Variants in NRXN3 observed in about 807,000 individuals in gnomAD.
NRXN3 encodes the protein neurexin 3.
A neutral mutation model predicts 137.6 loss-of-function variants in NRXN3; 32 were observed. The observed-to-expected ratio is 0.23, with a 90% CI of 0.18 to 0.31. The LOEUF (loss-of-function observed/expected upper bound fraction) is 0.31. NRXN3 is among the 10% of genes least tolerant of loss of function. NRXN3 has a pLI of 1.00. For synonymous variants in NRXN3, 798 were observed against 784.5 expected (o/e 1.02, Z -0.29); for missense variants, 1,574 against 2,062.5 (o/e 0.76, Z 4.59).
chr14:79,634,064 T>C (rs529170693), intron 16 of NRXN3, among the ~76,000 whole-genome samples: 86 of 151,612 alleles, frequency 5.7e-4, no homozygotes, highest in African/African-American at 2.0e-3. Context: ...CACGAAAGAG[T>C]GTTACTCCAG....
chr14:78,980,897 C>T (rs7152596), intron 14 of NRXN3, among the ~76,000 whole-genome samples: 1 of 152,122 alleles, frequency 6.6e-6, no homozygotes, highest in African/African-American at 2.4e-5. Context: ...TGACTATTTT[C>T]GTGAGAGTTA....
intron 6 of NRXN3, among the ~76,000 whole-genome samples, chr14:78,693,962 G>C (rs2098199641): frequency 6.6e-6 from 1 of 151,852 alleles, no homozygotes; most frequent in South Asian, 2.1e-4. Flanking sequence ...CATATGCCAA[G>C]ATTTCTCACT....
At chr14:79,455,661 T>C (rs2096248271) in intron 15 of NRXN3, among the ~76,000 whole-genome samples, 1 of 152,150 alleles carries the variant, frequency 6.6e-6, no homozygotes, top group Admixed American at 6.5e-5. Context: ...AATATATTGC[T>C]TTAAAGTTGT....
chr14:78,341,922 T>C (rs955739428), intron 4 of NRXN3, among the ~76,000 whole-genome samples: 1 of 152,214 alleles, frequency 6.6e-6, no homozygotes, highest in Non-Finnish European at 1.5e-5. Context: ...GGGCTCTAAC[T>C]CACTCATATG....
Position 79,424,393 on chromosome 14 carries a change from A to T in NRXN3, c.3263-42828A>T, listed in dbSNP as rs563162109. On this transcript the variant is annotated intron_variant, in intron 15 of 20. Transcript: ENST00000335750. ...ATTGGTTTTAAGGGTTGGAGAAAGA[A>T]GTAAAGGAGGTAAAAGAATGTACAT... Among the ~76,000 whole-genome samples the T allele has an allele frequency of 1.3e-4, 20 of 152,334 alleles. No individual in the cohort carries two copies. In the South Asian group the frequency reaches 4.1e-3, roughly 32 times the overall value.
intron 19 of NRXN3, among the ~76,000 whole-genome samples, chr14:79,784,315 C>T (rs531588711): frequency 6.6e-6 from 1 of 152,238 alleles, no homozygotes; most frequent in East Asian, 1.9e-4. Context: ...ATGTCTTTCC[C>T]AAGGGGTTTT....
chr14:79,468,869 G>A lies in NRXN3; in HGVS notation c.3444+1467G>A, dbSNP rs76837591. ...TGGTGGAGGAGTCTTGAATAGAGTT[G>A]TGAACTTTTCAATTTTTTCTCAGAT... is the stretch of plus-strand genomic sequence containing the variant. On this transcript the variant is annotated intron_variant, in intron 16 of 20. Transcript: ENST00000335750. 3.2e-4 allele frequency among the ~76,000 whole-genome samples: 49 copies of A among 152,314 alleles called. 1 individual carries two copies. Among genetic ancestry groups the A allele is most frequent in the Admixed American group, 2.9e-3 (44 of 15,302 alleles).
rs1355463010 is a variant in NRXN3 at position 78,567,921 on chromosome 14, G to T, written c.758-77199G>T. ...CTGAGCCCTTTTCCACTTTCATCGT[G>T]TTTCCATCTCCATCATTCCTTTCAT... On this transcript the variant is annotated intron_variant, in intron 4 of 20. Coordinates refer to ENST00000335750, the MANE Select transcript of NRXN3 (RefSeq NM_001330195.2). 2.0e-5 allele frequency among the ~76,000 whole-genome samples: 3 copies of T among 152,142 alleles called. No individual in the cohort carries two copies. In the East Asian group the frequency reaches 5.8e-4, roughly 29 times the overall value.
At chr14:78,975,427 G>T (rs753755085) in intron 14 of NRXN3, among the ~76,000 whole-genome samples, 1 of 152,176 alleles carries the variant, frequency 6.6e-6, no homozygotes, top group Non-Finnish European at 1.5e-5. Flanking sequence ...TAATGTGTGT[G>T]GGGGGATATG....
At chr14:78,236,886 A>C (rs928832819) in intron 1 of NRXN3, among the ~76,000 whole-genome samples, 3 of 152,182 alleles carry the variant, frequency 2.0e-5, no homozygotes, top group South Asian at 2.1e-4. Flanking sequence ...CTTTGAGAGA[A>C]TTCATGCCTT....
intron 20 of NRXN3, among the ~76,000 whole-genome samples, chr14:79,856,242 C>A (rs2099402234): frequency 1.3e-5 from 2 of 152,114 alleles, no homozygotes; most frequent in African/African-American, 4.8e-5. Context: ...GGTACTTGCC[C>A]TGTTTGTCCA....
At chr14:79,048,861 A>G (rs1306085141) in intron 15 of NRXN3, among the ~76,000 whole-genome samples, 2 of 148,578 alleles carry the variant, frequency 1.3e-5, no homozygotes, top group Non-Finnish European at 3.0e-5. Context: ...CGTCTCTACT[A>G]AAAATACAAA....
At chr14:79,805,072 C>G (rs773432523) in intron 19 of NRXN3, 40 bp from the exon 20 acceptor site, 3 of 1,414,468 alleles carry the variant, frequency 2.1e-6, no homozygotes, top group Non-Finnish European at 3.0e-6. Flanking sequence ...TCTCTTCTCT[C>G]TCTTCCCCTA....
In NRXN3 at chr14:78,765,453, G is replaced by T. The variant is rs528510340; in HGVS notation, c.2045-38167G>T. On this transcript the variant is annotated intron_variant, in intron 8 of 20. Transcript: ENST00000335750. ...CAGGCATGAGCCACCGAGCCCAGCT[G>T]CCTGGTGTACTTTTAATTATTCTTG... is the stretch of plus-strand genomic sequence containing the variant. Among the ~76,000 whole-genome samples the T allele has an allele frequency of 3.3e-5, 5 of 152,166 alleles. No homozygotes were observed. In the South Asian group the frequency reaches 1.0e-3, roughly 32 times the overall value.
At chr14:79,636,827 G>A (rs147784694) in intron 16 of NRXN3, among the ~76,000 whole-genome samples, 10 of 152,332 alleles carry the variant, frequency 6.6e-5, no homozygotes, top group South Asian at 2.1e-4. Flanking sequence ...TGCCAAAGGA[G>A]CATGGATGAC....
chr14:78,182,116 C>G (rs576743908), intron 1 of NRXN3, among the ~76,000 whole-genome samples: 2 of 134,780 alleles, frequency 1.5e-5, no homozygotes, highest in African/African-American at 2.9e-5. Context: ...ATGATGGGGC[C>G]GGGGGGGACA....
chr14:79,631,316 G>A (rs1603271482), intron 16 of NRXN3, among the ~76,000 whole-genome samples: 2 of 152,252 alleles, frequency 1.3e-5, no homozygotes, highest in African/African-American at 2.4e-5. Flanking sequence ...AGCAGCCCTC[G>A]CTCGCTCTTG....
At chr14:79,647,832 A>C (rs1233317231) in intron 16 of NRXN3, among the ~76,000 whole-genome samples, 1 of 135,460 alleles carries the variant, frequency 7.4e-6, no homozygotes, top group Non-Finnish European at 1.7e-5. Flanking sequence ...TTTTATCCTC[A>C]TGACAATCTC....
chr14:79,662,475 T>G (rs567498433), intron 16 of NRXN3, among the ~76,000 whole-genome samples: 1 of 152,282 alleles, frequency 6.6e-6, no homozygotes, highest in Non-Finnish European at 1.5e-5. Flanking sequence ...ATAGCATTAT[T>G]ATGTATGCTT....
Sources: gnomAD v4.1 joint callset for allele counts (sites outside exome capture counted in the v4.1 genomes callset) on GRCh38, gnomAD v4.1.1 for gene constraint, MANE v1.5 for transcripts, NCBI Gene and HGNC (gene_info 2026-07-23, HGNC 2026-07-21) for gene names.